The following TBC1D32 variants were observed in gnomAD, a reference collection of about 807,000 sequenced individuals.
TBC1D32 encodes TBC1 domain family member 32, also known as protein broad-minded.
In TBC1D32, 151 loss-of-function variants were observed where a neutral mutation model predicts 170.3. The ratio of observed to expected loss-of-function variants is 0.89; its 90% confidence interval spans 0.78 to 1.01. The LOEUF (loss-of-function observed/expected upper bound fraction) is 1.01. Ranked by LOEUF, TBC1D32 falls within the 50% of genes least tolerant of loss-of-function variation. The probability of loss-of-function intolerance (pLI) is 0.00; values close to 1 mark genes in which losing one functional copy is unlikely to be tolerated. For missense variants in TBC1D32, 1,464 were observed against 1,457.1 expected (o/e 1.00, Z -0.08); for synonymous variants, 498 against 488.0 (o/e 1.02, Z -0.27).
intron 10 of TBC1D32, 125 bp from the exon 11 acceptor site, chr6:121,294,785 C>T (rs1583616158): frequency 2.8e-6 from 2 of 723,392 alleles, no homozygotes; most frequent in South Asian, 1.6e-5. Context: ...TAGTACAGTA[C>T]CTTTCTAGCC....
chr6:121,194,213 GT>G (rs1583165306), intron 22 of TBC1D32, among the ~76,000 whole-genome samples: 1 of 152,222 alleles, frequency 6.6e-6, no homozygotes, highest in East Asian at 1.9e-4. Context: ...ATCATCTGTG[GT>G]CATTTCCTCA....
intron 20 of TBC1D32, among the ~76,000 whole-genome samples, chr6:121,232,362 T>C (rs1795848137): frequency 6.6e-6 from 1 of 152,178 alleles, no homozygotes; most frequent in Non-Finnish European, 1.5e-5. Flanking sequence ...ATGTGATGCC[T>C]CCAGATTTGT....
At chr6:121,179,054 T>C (rs995336676) in intron 22 of TBC1D32, among the ~76,000 whole-genome samples, 1 of 152,068 alleles carries the variant, frequency 6.6e-6, no homozygotes, top group Non-Finnish European at 1.5e-5. Context: ...TTTATAGAAA[T>C]TTTTTAATAG....
At chr6:121,175,926 A>C (rs1427802324) in intron 22 of TBC1D32, among the ~76,000 whole-genome samples, 1 of 152,228 alleles carries the variant, frequency 6.6e-6, no homozygotes, top group Non-Finnish European at 1.5e-5. Flanking sequence ...CTGTTTGTGA[A>C]TCCATCTCCT....
intron 21 of TBC1D32, among the ~76,000 whole-genome samples, chr6:121,217,967 G>C (rs1196031759): frequency 6.6e-6 from 1 of 152,158 alleles, no homozygotes; most frequent in African/African-American, 2.4e-5. Context: ...AGAAAAACAG[G>C]AAACAGAATT....
chr6:121,108,310 AC>A (rs1229665580), intron 29 of TBC1D32, among the ~76,000 whole-genome samples: 1 of 152,016 alleles, frequency 6.6e-6, no homozygotes, highest in African/African-American at 2.4e-5. Flanking sequence ...TGTTTATTAT[AC>A]TTATAGAGTT....
intron 17 of TBC1D32, among the ~76,000 whole-genome samples, chr6:121,247,695 C>CAAA (rs34914027): frequency 0.026 from 1,220 of 46,536 alleles, 108 homozygotes; most frequent in Non-Finnish European, 0.029. Context: ...GGCTTTAAAG[C>CAAA]AAAAAAAAAA....
At chr6:121,329,872 A>G (rs1198716824) in intron 1 of TBC1D32, among the ~76,000 whole-genome samples, 1 of 152,058 alleles carries the variant, frequency 6.6e-6, no homozygotes, top group Non-Finnish European at 1.5e-5. Context: ...ATAAGGCCAT[A>G]TAATAGAAAG....
chr6:121,249,637 A>C (rs967040215), intron 17 of TBC1D32, among the ~76,000 whole-genome samples: 13 of 152,072 alleles, frequency 8.5e-5, no homozygotes, highest in African/African-American at 3.1e-4. Flanking sequence ...ACAAAATCAA[A>C]GTACACAAAT....
intron 20 of TBC1D32, among the ~76,000 whole-genome samples, chr6:121,227,591 C>G (rs966968214): frequency 5.9e-5 from 2 of 34,040 alleles, no homozygotes; most frequent in African/African-American, 1.4e-4. Flanking sequence ...TCTTTTTATT[C>G]TTTAATATGG....
chr6:121,244,492 G>C (rs1293234456), intron 17 of TBC1D32, among the ~76,000 whole-genome samples: 2 of 152,112 alleles, frequency 1.3e-5, no homozygotes, highest in Non-Finnish European at 2.9e-5. Flanking sequence ...GACCTGCTGT[G>C]GGGGTGGTTT....
intron 24 of TBC1D32, among the ~76,000 whole-genome samples, chr6:121,149,437 A>C (rs2128233222): frequency 6.6e-6 from 1 of 152,268 alleles, no homozygotes; most frequent in East Asian, 1.9e-4. Flanking sequence ...TCTTTGTATA[A>C]GTTATAACAA....
At chr6:121,265,049 G>T (rs1292148585) in intron 15 of TBC1D32, among the ~76,000 whole-genome samples, 1 of 152,148 alleles carries the variant, frequency 6.6e-6, no homozygotes, top group African/African-American at 2.4e-5. Context: ...ACATAGTATT[G>T]GAAGTTCTGG....
intron 15 of TBC1D32, among the ~76,000 whole-genome samples, chr6:121,277,851 T>A (rs1043124672): frequency 6.6e-6 from 1 of 150,950 alleles, no homozygotes; most frequent in African/African-American, 2.4e-5. Flanking sequence ...ACAGTAAAAT[T>A]TATAAGCCTC....
chr6:121,086,011 A>C (rs1776239187), intron 31 of TBC1D32, among the ~76,000 whole-genome samples: 1 of 152,106 alleles, frequency 6.6e-6, no homozygotes, highest in African/African-American at 2.4e-5. Context: ...AAATGGGAGC[A>C]AAAGTACACC....
At position 121,299,439 on chromosome 6, in the gene TBC1D32, G is replaced by C; in HGVS notation, c.1140+7C>G. ...TTCTCAACATAAAAACAGAATTACAGACTTACCAGAGACTTATATTTCGTT... is the reference window on the plus strand; with the variant it reads ...TTCTCAACATAAAAACAGAATTACACACTTACCAGAGACTTATATTTCGTT... On this transcript the variant is annotated splice_region_variant and intron_variant, in intron 10 of 31. Coordinates refer to ENST00000398212, the MANE Select transcript of TBC1D32 (RefSeq NM_152730.6). 1.3e-6 allele frequency: 2 copies of C among 1,496,840 alleles called. No homozygotes were observed. The highest frequency in any genetic ancestry group is 1.8e-6 in the Non-Finnish European group (2 of 1,094,464). The allele number at this position is 1,496,840 out of a possible 1,614,324, so 92.7% of individuals were successfully genotyped here. A position where few individuals can be genotyped will look rare whatever the true frequency, so the allele number is the denominator to read the frequency against.
intron 15 of TBC1D32, among the ~76,000 whole-genome samples, chr6:121,271,776 A>G (rs2128426299): frequency 6.6e-6 from 1 of 152,278 alleles, no homozygotes; most frequent in East Asian, 1.9e-4. Context: ...TAAAGTTCAT[A>G]TGGAATCAAA....
At chr6:121,211,605 C>T (rs1490454499) in intron 21 of TBC1D32, among the ~76,000 whole-genome samples, 3 of 152,112 alleles carry the variant, frequency 2.0e-5, no homozygotes, top group Admixed American at 6.5e-5. Context: ...TTTGAGTAAT[C>T]GTCTCCAATT....
At chr6:121,122,292 C>A (rs1562552750) in intron 26 of TBC1D32, among the ~76,000 whole-genome samples, 1 of 151,964 alleles carries the variant, frequency 6.6e-6, no homozygotes, top group Non-Finnish European at 1.5e-5. Context: ...CTGCTTCAGT[C>A]GTTTCTCTTC....
Sources: allele counts gnomAD v4.1 joint callset (sites outside exome capture counted in the v4.1 genomes callset), GRCh38; gene constraint gnomAD v4.1.1; transcripts MANE v1.5; gene names NCBI Gene and HGNC (gene_info 2026-07-23, HGNC 2026-07-21).